The following THSD7A variants were observed in gnomAD, a reference collection of about 807,000 sequenced individuals.
THSD7A encodes thrombospondin type-1 domain-containing protein 7A.
THSD7A carries 96 observed loss-of-function variants against 231.3 expected under a neutral mutation model. That is an observed-to-expected ratio of 0.41 (90% CI 0.35 to 0.49). The LOEUF (loss-of-function observed/expected upper bound fraction) is 0.49, where lower values mean the gene tolerates loss of function less well. THSD7A is among the 20% of genes least tolerant of loss of function. The pLI is 0.05. For synonymous variants in THSD7A, 940 were observed against 743.3 expected, an observed-to-expected ratio of 1.26 and a Z score of -4.30; for missense variants, 2,290 against 2,070.2, an observed-to-expected ratio of 1.11 and a Z score of -2.06.
chr7:11,602,070 G>A (rs1780571430), intron 2 of THSD7A, among the ~76,000 whole-genome samples: 1 of 152,134 alleles, frequency 6.6e-6, no homozygotes, highest in Admixed American at 6.6e-5. Flanking sequence ...TGGTATCACT[G>A]TCTCAAAGAC....
At chr7:11,417,102 A>G (rs1783987613) in intron 17 of THSD7A, among the ~76,000 whole-genome samples, 1 of 152,198 alleles carries the variant, frequency 6.6e-6, no homozygotes, top group Non-Finnish European at 1.5e-5. Context: ...AAGTACCTTT[A>G]CTTCATTCAT....
intron 1 of THSD7A, among the ~76,000 whole-genome samples, chr7:11,693,745 T>G (rs1000160018): frequency 6.6e-6 from 1 of 151,422 alleles, no homozygotes; most frequent in Non-Finnish European, 1.5e-5. Flanking sequence ...AATGAGAAAA[T>G]ATTTGTGCAC....
rs888935271 is a variant in THSD7A, at chr7:11,444,608, G to T, written c.3064+1453C>A. On this transcript the variant is annotated intron_variant, in intron 13 of 27. Coordinates refer to ENST00000423059, the MANE Select transcript of THSD7A (RefSeq NM_015204.3). The surrounding 1 kb of genome is among the most constrained non-coding windows in gnomAD (Gnocchi z 4.2). ...CACACACCGGGGTCTGTCAGGGGAT[G>T]GGGGGCAGTGGAGGGATAGCATCAG... 2.0e-5 allele frequency among the ~76,000 whole-genome samples: 3 copies of T among 151,872 alleles called. No individual in the cohort carries two copies. The highest frequency in any genetic ancestry group is 3.9e-4 in the East Asian group (2 of 5,160).
chr7:11,509,103 A>G (rs554769015), intron 6 of THSD7A, among the ~76,000 whole-genome samples: 1 of 152,326 alleles, frequency 6.6e-6, no homozygotes, highest in Non-Finnish European at 1.5e-5. Context: ...CCACAAAATA[A>G]AACTTTAAAA....
intron 1 of THSD7A, among the ~76,000 whole-genome samples, chr7:11,822,539 C>CT (rs1562580122): frequency 1.3e-5 from 2 of 151,796 alleles, no homozygotes; most frequent in Non-Finnish European, 2.9e-5. Flanking sequence ...GATATATTGA[C>CT]TTTTTTTTCC....
At chr7:11,663,212 A>G (rs1239324111) in intron 1 of THSD7A, among the ~76,000 whole-genome samples, 1 of 151,364 alleles carries the variant, frequency 6.6e-6, no homozygotes, top group Non-Finnish European at 1.5e-5. Context: ...TTCTTCAGAC[A>G]TAAAAAAATA....
chr7:11,710,390 T>A (rs1780912865), intron 1 of THSD7A, among the ~76,000 whole-genome samples: 1 of 150,986 alleles, frequency 6.6e-6, no homozygotes, highest in East Asian at 2.0e-4. Flanking sequence ...TCCCAATAAC[T>A]CTGATTTTGT....
chr7:11,510,593 A>G (rs949406308), intron 6 of THSD7A, among the ~76,000 whole-genome samples: 1 of 152,218 alleles, frequency 6.6e-6, no homozygotes, highest in Admixed American at 6.5e-5. Flanking sequence ...AGTTGGCTTC[A>G]TCCCTGGGAT....
intron 2 of THSD7A, among the ~76,000 whole-genome samples, chr7:11,635,271 G>T (rs17164958): frequency 1.3e-5 from 2 of 151,818 alleles, no homozygotes; most frequent in African/African-American, 4.8e-5. Flanking sequence ...ATTTTTTTCA[G>T]TTCAATCCAA....
chr7:11,677,575 A>C (rs1783689053), intron 1 of THSD7A, among the ~76,000 whole-genome samples: 1 of 128,886 alleles, frequency 7.8e-6, no homozygotes, highest in Non-Finnish European at 1.6e-5. Context: ...TGACCAAGCA[A>C]ATGGAAAGCA....
intron 1 of THSD7A, among the ~76,000 whole-genome samples, chr7:11,673,827 G>T (rs1241149756): frequency 1.3e-5 from 2 of 152,130 alleles, no homozygotes; most frequent in African/African-American, 4.8e-5. Flanking sequence ...AGCCTAGCCA[G>T]TCAGGCCTGC....
intron 2 of THSD7A, among the ~76,000 whole-genome samples, chr7:11,631,854 G>C (rs1053894169): frequency 2.6e-5 from 4 of 152,172 alleles, no homozygotes; most frequent in Non-Finnish European, 5.9e-5. Context: ...GGTGCAGGAG[G>C]AGGAGGCTCA....
rs140409482 is a variant in THSD7A at position 11,569,121 on chromosome 7, G to A, written c.1453+21339C>T. Among the ~76,000 whole-genome samples, 225 of 152,184 alleles carry A rather than the reference G, an allele frequency of 1.5e-3. 1 individual carries two copies. The highest frequency in any genetic ancestry group is 6.8e-3 in the Middle Eastern group (2 of 294). Reference sequence around the variant, plus strand: ...AAGCAAGCAAATGCTTCAGGACATTGGTCTAGGCAAAGATTTTATGGTTAA... The same window carrying A: ...AAGCAAGCAAATGCTTCAGGACATTAGTCTAGGCAAAGATTTTATGGTTAA... On this transcript the variant is annotated intron_variant, in intron 4 of 27. Coordinates refer to ENST00000423059, the MANE Select transcript of THSD7A (RefSeq NM_015204.3).
At chr7:11,661,873 A>G (rs1456939126) in intron 1 of THSD7A, among the ~76,000 whole-genome samples, 1 of 151,294 alleles carries the variant, frequency 6.6e-6, no homozygotes, top group Non-Finnish European at 1.5e-5. Context: ...TCAATGGAAG[A>G]CAAGATAAAC....
At chr7:11,690,943 G>C (rs1319319986) in intron 1 of THSD7A, among the ~76,000 whole-genome samples, 1 of 151,538 alleles carries the variant, frequency 6.6e-6, no homozygotes, top group African/African-American at 2.4e-5. Flanking sequence ...TGTTGAGGTG[G>C]TATAGTCACA....
At chr7:11,485,517 A>G (rs1357572421) in intron 6 of THSD7A, among the ~76,000 whole-genome samples, 1 of 152,224 alleles carries the variant, frequency 6.6e-6, no homozygotes, top group Non-Finnish European at 1.5e-5. Context: ...GCTAATTCTC[A>G]CAATAACCTT....
chr7:11,804,665 C>G (rs928127318), intron 1 of THSD7A, among the ~76,000 whole-genome samples: 1 of 152,144 alleles, frequency 6.6e-6, no homozygotes, highest in Admixed American at 6.5e-5. Flanking sequence ...CTATTCCTAG[C>G]TAATGATTAA....
intron 1 of THSD7A, among the ~76,000 whole-genome samples, chr7:11,775,072 A>C (rs1157684556): frequency 6.6e-6 from 1 of 152,192 alleles, no homozygotes. Context: ...AACAAACAAA[A>C]AACAAAAACC....
At chr7:11,440,128 T>A (rs1181130736) in intron 13 of THSD7A, among the ~76,000 whole-genome samples, 13 of 152,032 alleles carry the variant, frequency 8.6e-5, no homozygotes, top group Non-Finnish European at 1.6e-4. Context: ...TCTACTCTGC[T>A]TGTGCTCAAT....
Sources: allele counts gnomAD v4.1 joint callset (sites outside exome capture counted in the v4.1 genomes callset), GRCh38; gene constraint gnomAD v4.1.1; non-coding constraint Gnocchi (gnomAD v3.1); transcripts MANE v1.5; gene names NCBI Gene and HGNC (gene_info 2026-07-23, HGNC 2026-07-21).